The following TMEM255B variants were observed in gnomAD, a reference collection of about 807,000 sequenced individuals.
TMEM255B encodes the protein family with sequence similarity 70, member B.
TMEM255B carries 35 observed loss-of-function variants against 34.5 expected under a neutral mutation model. That is an observed-to-expected ratio of 1.01 (90% CI 0.77 to 1.34). TMEM255B has a LOEUF of 1.34. Among genes scored for constraint, TMEM255B ranks in the 40% most tolerant of loss-of-function variants. TMEM255B has a pLI of 0.00. For synonymous variants in TMEM255B, 206 were observed against 201.2 expected, an observed-to-expected ratio of 1.02 and a Z score of -0.20; for missense variants, 432 against 433.2, an observed-to-expected ratio of 1.00 and a Z score of 0.02.
chr13:113,792,444 G>A (rs2050847499), intron 3 of TMEM255B, among the ~76,000 whole-genome samples: 1 of 152,324 alleles, frequency 6.6e-6, no homozygotes. Context: ...TCCCACCGAC[G>A]TGCAGCCCCC....
At chr13:113,772,960 G>A (rs890576362) in intron 3 of TMEM255B, among the ~76,000 whole-genome samples, 1 of 152,194 alleles carries the variant, frequency 6.6e-6, no homozygotes, top group Non-Finnish European at 1.5e-5. Context: ...TTCTGGTAGG[G>A]ATGTGCTGAA....
At chr13:113,780,488 T>C (rs1345616801) in intron 3 of TMEM255B, among the ~76,000 whole-genome samples, 2 of 152,204 alleles carry the variant, frequency 1.3e-5, no homozygotes, top group East Asian at 3.8e-4. Flanking sequence ...TTAAAAGCTG[T>C]CAATAGCTCG....
intron 8 of TMEM255B, among the ~76,000 whole-genome samples, chr13:113,810,674 C>T (rs1390283822): frequency 6.6e-6 from 1 of 152,122 alleles, no homozygotes; most frequent in African/African-American, 2.4e-5. Context: ...GTCCACTTCT[C>T]CTGGGGACCA....
chr13:113,785,744 C>T (rs747045209), intron 3 of TMEM255B, among the ~76,000 whole-genome samples: 10 of 152,264 alleles, frequency 6.6e-5, no homozygotes, highest in East Asian at 3.9e-4. Flanking sequence ...GGGTGCTGGA[C>T]GTCCCCAGGC....
At chr13:113,768,342 C>T (rs1201211804) in intron 2 of TMEM255B, 13 of 438,244 alleles carry the variant, frequency 3.0e-5, no homozygotes, top group East Asian at 1.4e-4. Flanking sequence ...CCTGCCAGGA[C>T]GGGCCCTGGG....
At chr13:113,788,027 G>T (rs1415529291) in intron 3 of TMEM255B, among the ~76,000 whole-genome samples, 1 of 111,108 alleles carries the variant, frequency 9.0e-6, no homozygotes, top group Non-Finnish European at 1.9e-5. Flanking sequence ...GCACCATGCC[G>T]CAGAGGGGAA....
At chr13:113,779,337 C>G (rs2050631638) in intron 3 of TMEM255B, among the ~76,000 whole-genome samples, 1 of 152,168 alleles carries the variant, frequency 6.6e-6, no homozygotes, top group South Asian at 2.1e-4. Context: ...TTCTTTCTGG[C>G]TACTTCCTGC....
rs1944578320 is a variant in TMEM255B at position 113,814,361 on chromosome 13, C to G, written c.*2458C>G. The G allele has an allele frequency of 6.6e-6, 1 of 152,310 alleles. No individual in the cohort carries two copies. Among genetic ancestry groups the G allele is most frequent in the African/African-American group, 2.4e-5 (1 of 41,480 alleles). 9.4% of individuals were successfully genotyped at this position (152,310 alleles called of 1,614,324 possible). A position where few individuals can be genotyped will look rare whatever the true frequency, so the allele number is the denominator to read the frequency against. Reference sequence around the variant, plus strand: ...ATCAGAGTGCTTCCCCGAGGCTGCACTCACCAGCTTCCCCCAAACACAACA... The same window carrying G: ...ATCAGAGTGCTTCCCCGAGGCTGCAGTCACCAGCTTCCCCCAAACACAACA... On this transcript the variant is annotated 3_prime_UTR_variant, in exon 9 of 9. Transcript: ENST00000375353.
intron 3 of TMEM255B, among the ~76,000 whole-genome samples, chr13:113,774,635 A>ACAATACACACCACATATACCACC (rs2050533625): frequency 6.7e-6 from 1 of 149,032 alleles, no homozygotes. Context: ...CATATACCAC[A>ACAATACACACCACATATACCACC]CACCACACAC....
In TMEM255B at chr13:113,811,891, C is replaced by T; in HGVS notation, c.969C>T (p.Pro323=). The T allele has an allele frequency of 6.2e-7, 1 of 1,610,068 alleles. No individual in the cohort carries two copies. Among genetic ancestry groups the T allele is most frequent in the Middle Eastern group, 1.7e-4 (1 of 6,022 alleles). Residue 323 remains proline, a synonymous_variant, in exon 9 of 9, where the codon CCC becomes CCT. Transcript: ENST00000375353. ...TYFPPGEKPP[P]YAP ...TTCCCCCGGGGGAGAAGCCACCCCCCTACGCACCCTGATAGAGGCGTGGAG... is the reference window on the plus strand; with the variant it reads ...TTCCCCCGGGGGAGAAGCCACCCCCTTACGCACCCTGATAGAGGCGTGGAG...
At chr13:113,799,076 T>G (rs935163977) in intron 4 of TMEM255B, among the ~76,000 whole-genome samples, 4 of 152,196 alleles carry the variant, frequency 2.6e-5, no homozygotes, top group Non-Finnish European at 5.9e-5. Flanking sequence ...CTGCTGCCCT[T>G]GTTGACTGAT....
intron 3 of TMEM255B, among the ~76,000 whole-genome samples, chr13:113,781,111 T>C (rs1421713924): frequency 6.6e-6 from 1 of 152,206 alleles, no homozygotes. Context: ...TTAATAAAAC[T>C]TTATAGACAT....
rs571727552 is a variant in TMEM255B at position 113,776,390 on chromosome 13, C to T, written c.252+7230C>T. Among the ~76,000 whole-genome samples, 6 of 152,314 alleles carry T rather than the reference C, an allele frequency of 3.9e-5. No individual in the cohort carries two copies. The East Asian group carries it at 7.7e-4, about 20-fold the overall frequency. On this transcript the variant is annotated intron_variant, in intron 3 of 8. Coordinates refer to ENST00000375353, the MANE Select transcript of TMEM255B (RefSeq NM_182614.4). Reference sequence around the variant, plus strand: ...TGCACCTGCCACTCAGGGGCTGACTCGGCGGCTCTGGTTTCTTAAACGCAC... The same window carrying T: ...TGCACCTGCCACTCAGGGGCTGACTTGGCGGCTCTGGTTTCTTAAACGCAC...
At chr13:113,765,249 AG>A (rs1369532929) in intron 1 of TMEM255B, among the ~76,000 whole-genome samples, 1 of 152,194 alleles carries the variant, frequency 6.6e-6, no homozygotes, top group Non-Finnish European at 1.5e-5. Context: ...AGATCAGCAG[AG>A]CAATTCTGCA....
rs371221854 is a variant in TMEM255B, at chr13:113,806,816, C to T, written c.813+1788C>T. On this transcript the variant is annotated intron_variant, in intron 8 of 8. Coordinates refer to ENST00000375353, the MANE Select transcript of TMEM255B (RefSeq NM_182614.4). This position sits in a 1 kb window ranked among gnomAD's most constrained non-coding sequence, Gnocchi z 4.2. ...TTTGCCAAGCCCAGAACTGGAGGCC[C>T]GCAGGGGTAGAAGGAGGAGGCCCGC... is the stretch of plus-strand genomic sequence containing the variant. Among the ~76,000 whole-genome samples, 73 of 105,744 alleles carry T rather than the reference C, an allele frequency of 6.9e-4. No homozygotes were observed. The highest frequency in any genetic ancestry group is 2.9e-3 in the African/African-American group (68 of 23,704). 69.4% of individuals were successfully genotyped at this position (105,744 alleles called of 152,430 possible). A position where few individuals can be genotyped will look rare whatever the true frequency, so the allele number is the denominator to read the frequency against.
chr13:113,789,116 C>T, intron 3 of TMEM255B, among the ~76,000 whole-genome samples: 1 of 151,982 alleles, frequency 6.6e-6, no homozygotes, highest in Admixed American at 6.5e-5. Context: ...CCCACCTTAT[C>T]CCCTTCCTTC....
chr13:113,800,843 TGGAC>T lies in TMEM255B; in HGVS notation c.443_446del (p.Asp148AlafsTer5), dbSNP rs1469129130. The stretch of plus-strand genomic sequence containing the variant: ...CTGCCCCAGGTCACCTGTCACTCCC[TGGAC>T]GGCAAGTGCCAGCTGAAGGTGAGAA... On this transcript the variant is annotated frameshift_variant, in exon 6 of 9. Coordinates refer to ENST00000375353, the MANE Select transcript of TMEM255B (RefSeq NM_182614.4). LOFTEE classifies it high-confidence loss of function. 1 of 1,608,794 alleles carries T rather than the reference TGGAC, an allele frequency of 6.2e-7. No individual in the cohort carries two copies. The highest frequency in any genetic ancestry group is 1.7e-5 in the Admixed American group (1 of 59,528).
At chr13:113,808,797 G>C (rs1293772007) in intron 8 of TMEM255B, among the ~76,000 whole-genome samples, 1 of 115,548 alleles carries the variant, frequency 8.7e-6, no homozygotes, top group Non-Finnish European at 1.7e-5. Flanking sequence ...GTTCCTGGGG[G>C]GGGGGTTACT....
rs1001329715 is a variant in TMEM255B, at chr13:113,770,669, CCT to C, written c.252+1510_252+1511del. ...CCGGCATTTCCTCTCCCACCCACCC[CCT>C]GTTGTTGGCTCCCGAGGGTGGGCGT... On this transcript the variant is annotated intron_variant, in intron 3 of 8. Transcript: ENST00000375353. The surrounding 1 kb of genome is among the most constrained non-coding windows in gnomAD (Gnocchi z 4.6). Among the ~76,000 whole-genome samples, 18 of 152,298 alleles carry C rather than the reference CCT, an allele frequency of 1.2e-4. No individual in the cohort carries two copies. In the Middle Eastern group the frequency reaches 0.01, roughly 86 times the overall value.
Sources: allele counts gnomAD v4.1 joint callset (sites outside exome capture counted in the v4.1 genomes callset), GRCh38; gene constraint gnomAD v4.1.1; non-coding constraint Gnocchi (gnomAD v3.1); transcripts MANE v1.5; gene names NCBI Gene and HGNC (gene_info 2026-07-23, HGNC 2026-07-21).